The following DPP10 variants were observed in gnomAD, a reference collection of about 807,000 sequenced individuals.
DPP10 encodes inactive dipeptidyl peptidase 10.
A neutral mutation model predicts 120.9 loss-of-function variants in DPP10; 33 were observed. That is an observed-to-expected ratio of 0.27 (90% confidence interval 0.21 to 0.37). The LOEUF is 0.37. DPP10 is among the 10% of genes least tolerant of loss of function. The pLI is 1.00. For missense variants in DPP10, 816 were observed against 942.8 expected, an observed-to-expected ratio of 0.87 and a Z score of 1.76; for synonymous variants, 337 against 326.1, an observed-to-expected ratio of 1.03 and a Z score of -0.36.
At chr2:115,128,001 CAAT>C (rs2050161993) in intron 1 of DPP10, among the ~76,000 whole-genome samples, 1 of 152,038 alleles carries the variant, frequency 6.6e-6, no homozygotes, top group Non-Finnish European at 1.5e-5. Flanking sequence ...AACAGAAAAA[CAAT>C]AAAATAAAAT....
intron 1 of DPP10, among the ~76,000 whole-genome samples, chr2:114,823,908 G>A (rs949666090): frequency 1.5e-4 from 23 of 152,118 alleles, no homozygotes; most frequent in African/African-American, 4.8e-4. Context: ...AGTCTCTAAG[G>A]GTTTCACTCA....
chr2:114,827,359 A>G (rs1386700031), intron 1 of DPP10, among the ~76,000 whole-genome samples: 3 of 151,930 alleles, frequency 2.0e-5, no homozygotes, highest in African/African-American at 4.9e-5. Context: ...TTGAAGCTCT[A>G]TGTAGGAGAA....
chr2:115,223,508 A>G lies in DPP10; in HGVS notation c.61-85731A>G, dbSNP rs574723461. ...TAGGAAACTAAAATTTAGATAAGACATATTTGGTTTGGCGAGCTGTAAGGA... is the reference window on the plus strand; with the variant it reads ...TAGGAAACTAAAATTTAGATAAGACGTATTTGGTTTGGCGAGCTGTAAGGA... On this transcript the variant is annotated intron_variant, in intron 1 of 25. Coordinates refer to ENST00000410059, the MANE Select transcript of DPP10 (RefSeq NM_020868.6). Among the ~76,000 whole-genome samples the G allele has an allele frequency of 2.5e-4, 38 of 152,296 alleles. 2 individuals carry two copies. The South Asian group carries it at 7.5e-3, about 30-fold the overall frequency.
chr2:115,533,813 C>CA (rs2078621506), intron 5 of DPP10, among the ~76,000 whole-genome samples: 1 of 152,040 alleles, frequency 6.6e-6, no homozygotes, highest in Admixed American at 6.6e-5. Flanking sequence ...ATAGAATACT[C>CA]ACCTTTCCTC....
intron 1 of DPP10, among the ~76,000 whole-genome samples, chr2:114,912,095 C>A (rs1694412959): frequency 6.6e-6 from 1 of 152,058 alleles, no homozygotes; most frequent in African/African-American, 2.4e-5. Context: ...TCCTCCACTG[C>A]ACAATTATTT....
At chr2:115,712,537 G>GA (rs2092352468) in intron 7 of DPP10, among the ~76,000 whole-genome samples, 5 of 5,470 alleles carry the variant, frequency 9.1e-4, no homozygotes, top group East Asian at 0.036. Flanking sequence ...GAAGAGTCCT[G>GA]AATTAAATAT....
chr2:114,590,266 T>C (rs972027904), intron 1 of DPP10, among the ~76,000 whole-genome samples: 3 of 152,146 alleles, frequency 2.0e-5, no homozygotes, highest in African/African-American at 7.2e-5. Context: ...ATGGTTGCAA[T>C]TGAGGAATGA....
intron 1 of DPP10, among the ~76,000 whole-genome samples, chr2:114,971,774 A>C (rs150797243): frequency 5.9e-5 from 9 of 152,328 alleles, no homozygotes; most frequent in African/African-American, 1.9e-4. Context: ...TTAATTTTTC[A>C]TTACTAAAGA....
At chr2:115,002,790 G>T (rs1361490804) in intron 1 of DPP10, among the ~76,000 whole-genome samples, 1 of 152,012 alleles carries the variant, frequency 6.6e-6, no homozygotes, top group Non-Finnish European at 1.5e-5. Context: ...TTACAGAAAT[G>T]CAAATCAATA....
chr2:115,652,409 A>ATGTGTATG lies in DPP10; in HGVS notation c.442-37273_442-37272insATGTGTGT, dbSNP rs1181566449. ...GAGAAAGAAAACCAATAGGATATATATGTGTGTGTGTGTGTGTGTGTGTGT... is the reference window on the plus strand; with the variant it reads ...GAGAAAGAAAACCAATAGGATATATATGTGTATGTGTGTGTGTGTGTGTGTGTGTGTGT... On this transcript the variant is annotated intron_variant, in intron 5 of 25. Coordinates refer to ENST00000410059, the MANE Select transcript of DPP10 (RefSeq NM_020868.6). Among the ~76,000 whole-genome samples, 465 of 145,570 alleles carry ATGTGTATG rather than the reference A, an allele frequency of 3.2e-3. 1 individual carries two copies. The highest frequency in any genetic ancestry group is 0.011 in the African/African-American group (405 of 37,872).
intron 24 of DPP10, among the ~76,000 whole-genome samples, chr2:115,840,311 G>GTGTTTTTT (rs1575965088): frequency 3.0e-5 from 1 of 33,242 alleles, no homozygotes; most frequent in African/African-American, 9.0e-5. Context: ...CAGATATAAG[G>GTGTTTTTT]TTTTTTGGTT....
intron 1 of DPP10, among the ~76,000 whole-genome samples, chr2:115,115,743 T>C (rs2049470727): frequency 6.6e-6 from 1 of 152,182 alleles, no homozygotes; most frequent in African/African-American, 2.4e-5. Flanking sequence ...GTGGTGTGTT[T>C]TATGGTGTTC....
At chr2:115,125,984 T>G (rs1203810973) in intron 1 of DPP10, among the ~76,000 whole-genome samples, 3 of 152,232 alleles carry the variant, frequency 2.0e-5, no homozygotes, top group Non-Finnish European at 4.4e-5. Flanking sequence ...CGTGTATATA[T>G]TTCCAAAATG....
intron 10 of DPP10, among the ~76,000 whole-genome samples, chr2:115,751,803 G>GTTTT (rs5833628): frequency 3.9e-5 from 4 of 103,414 alleles, no homozygotes; most frequent in African/African-American, 5.6e-5. Flanking sequence ...TTTTTTTGTT[G>GTTTT]TTTTTTTTTT....
At chr2:115,116,996 A>T (rs528168171) in intron 1 of DPP10, among the ~76,000 whole-genome samples, 1 of 152,182 alleles carries the variant, frequency 6.6e-6, no homozygotes, top group Non-Finnish European at 1.5e-5. Flanking sequence ...CATTTGCTGT[A>T]TCTTTTTATT....
intron 1 of DPP10, among the ~76,000 whole-genome samples, chr2:114,872,530 C>A (rs1690774381): frequency 6.6e-6 from 1 of 152,116 alleles, no homozygotes; most frequent in South Asian, 2.1e-4. Context: ...TTAAGCTGCC[C>A]CTGGTGGCAG....
intron 1 of DPP10, among the ~76,000 whole-genome samples, chr2:115,194,607 G>A (rs564006351): frequency 3.7e-4 from 56 of 152,154 alleles, no homozygotes; most frequent in Non-Finnish European, 7.2e-4. Context: ...TGGATTTCTG[G>A]TAATGGCCAA....
intron 5 of DPP10, among the ~76,000 whole-genome samples, chr2:115,627,300 C>A (rs7576625): frequency 0.99 from 150,326 of 152,240 alleles, 74,251 homozygotes; most frequent in East Asian, 1. Context: ...GATGAGATCA[C>A]CTGCAGTTCA....
chr2:114,942,341 G>GTA (rs1697003030), intron 1 of DPP10, among the ~76,000 whole-genome samples: 2 of 55,968 alleles, frequency 3.6e-5, no homozygotes, highest in African/African-American at 7.0e-5. Context: ...ATATATATAC[G>GTA]TATATATACA....
Sources: allele counts gnomAD v4.1 joint callset (sites outside exome capture counted in the v4.1 genomes callset), GRCh38; gene constraint gnomAD v4.1.1; transcripts MANE v1.5; gene names NCBI Gene and HGNC (gene_info 2026-07-23, HGNC 2026-07-21).